The following CNKSR3 variants were observed in gnomAD, a reference collection of about 807,000 sequenced individuals.
CNKSR3 encodes connector enhancer of kinase suppressor of ras 3.
CNKSR3 carries 36 observed loss-of-function variants against 67.7 expected under a neutral mutation model. The observed-to-expected ratio is 0.53, with a 90% CI of 0.41 to 0.70. The LOEUF is 0.70. Ranked by LOEUF, CNKSR3 falls within the 30% of genes least tolerant of loss-of-function variation. The pLI, the probability that CNKSR3 is intolerant of heterozygous loss-of-function variation, is 0.00. For synonymous variants in CNKSR3, 281 were observed against 271.4 expected, an observed-to-expected ratio of 1.04 and a Z score of -0.35; for missense variants, 630 against 695.2, an observed-to-expected ratio of 0.91 and a Z score of 1.05.
At chr6:154,459,714 C>T (rs1786039060) in intron 1 of CNKSR3, among the ~76,000 whole-genome samples, 1 of 152,226 alleles carries the variant, frequency 6.6e-6, no homozygotes, top group East Asian at 1.9e-4. Context: ...AACCAACGAA[C>T]AACCACACTT....
chr6:154,506,262 A>G (rs1055809050), intron 1 of CNKSR3, among the ~76,000 whole-genome samples: 4 of 152,214 alleles, frequency 2.6e-5, no homozygotes, highest in African/African-American at 9.6e-5. Flanking sequence ...GGAAAAAGCA[A>G]AAAAGGAAGA....
chr6:154,466,794 G>T (rs56278182), intron 1 of CNKSR3, among the ~76,000 whole-genome samples: 41,364 of 144,592 alleles, frequency 0.29, 6,250 homozygotes, highest in East Asian at 0.41. Context: ...TAATTTTTTT[G>T]TTTTTTTTTT....
chr6:154,487,551 A>G (rs1185179373), intron 1 of CNKSR3, among the ~76,000 whole-genome samples: 9 of 152,158 alleles, frequency 5.9e-5, no homozygotes. Context: ...CAGCAGCCAC[A>G]ATGTTTCAGA....
intron 9 of CNKSR3, among the ~76,000 whole-genome samples, chr6:154,415,413 T>G (rs1244288533): frequency 2.0e-5 from 3 of 151,892 alleles, no homozygotes; most frequent in Non-Finnish European, 2.9e-5. Context: ...GTATGTTTAG[T>G]AGAGATGGCG....
At chr6:154,453,436 C>T (rs1785880675) in intron 1 of CNKSR3, among the ~76,000 whole-genome samples, 1 of 152,118 alleles carries the variant, frequency 6.6e-6, no homozygotes, top group African/African-American at 2.4e-5. Context: ...GAGAAACTAA[C>T]CAGAATCTCC....
At chr6:154,407,337 C>A (rs940454752) in intron 12 of CNKSR3, among the ~76,000 whole-genome samples, 5 of 152,152 alleles carry the variant, frequency 3.3e-5, no homozygotes, top group Non-Finnish European at 5.9e-5. Context: ...GCCCTAACTG[C>A]CAGCAGACCC....
intron 4 of CNKSR3, among the ~76,000 whole-genome samples, chr6:154,438,794 C>A (rs747364692): frequency 3.9e-5 from 6 of 152,146 alleles, no homozygotes; most frequent in Non-Finnish European, 7.4e-5. Context: ...GCCTATCTGT[C>A]CAAAGCATTA....
rs1039480440 is a variant in CNKSR3 at position 154,467,744 on chromosome 6, T to A, written c.53-17486A>T. 1.4e-3 allele frequency among the ~76,000 whole-genome samples: 216 copies of A among 151,792 alleles called. 2 individuals carry two copies. The highest frequency in any genetic ancestry group is 2.8e-3 in the Non-Finnish European group (192 of 67,974). ...TATGTGGTTAGACCCATTATAAATATATATATATATATCATTTTTGTTTGT... is the reference window on the plus strand; with the variant it reads ...TATGTGGTTAGACCCATTATAAATAAATATATATATATCATTTTTGTTTGT... On this transcript the variant is annotated intron_variant, in intron 1 of 12. Coordinates refer to ENST00000607772, the MANE Select transcript of CNKSR3 (RefSeq NM_173515.4).
rs868256496 is a variant in CNKSR3 at position 154,422,519 on chromosome 6, G to A, written c.932C>T (p.Pro311Leu). 6.2e-7 allele frequency: 1 copy of A among 1,614,138 alleles called. No homozygotes were observed. Reference sequence around the variant, plus strand: ...AATCCCAGATACCTGTACAAGAGGTGGCTTCCACCGTAGGTTTTTCAGGGG... The same window carrying A: ...AATCCCAGATACCTGTACAAGAGGTAGCTTCCACCGTAGGTTTTTCAGGGG... ...PAPLKNLRWK[P>L]PLVQTSPPPA... The change falls in exon 9 of 13, where the codon CCA becomes CTA. Residue 311 changes from proline to leucine, a missense_variant. Pro to Leu is a moderately conservative substitution (Grantham distance 98). Coordinates refer to ENST00000607772, the MANE Select transcript of CNKSR3 (RefSeq NM_173515.4).
At chr6:154,448,020 AC>A (rs954326605) in intron 2 of CNKSR3, among the ~76,000 whole-genome samples, 16 of 151,846 alleles carry the variant, frequency 1.1e-4, no homozygotes, top group Non-Finnish European at 2.4e-4. Context: ...CCCCTAAGTG[AC>A]CCCCCCTGTC....
At chr6:154,424,472 CA>C (rs1206087071) in intron 7 of CNKSR3, among the ~76,000 whole-genome samples, 3 of 152,152 alleles carry the variant, frequency 2.0e-5, no homozygotes, top group Non-Finnish European at 4.4e-5. Context: ...GCTAAATCTT[CA>C]AACAATTTCC....
At chr6:154,480,485 G>C (rs142084396) in intron 1 of CNKSR3, among the ~76,000 whole-genome samples, 3 of 152,168 alleles carry the variant, frequency 2.0e-5, no homozygotes, top group Admixed American at 1.3e-4. Flanking sequence ...CTTTGAGAGC[G>C]GCGGAGTCTC....
At chr6:154,456,486 TCAG>T (rs1785958158) in intron 1 of CNKSR3, among the ~76,000 whole-genome samples, 1 of 149,754 alleles carries the variant, frequency 6.7e-6, no homozygotes, top group South Asian at 2.1e-4. Context: ...TCACTTGAGG[TCAG>T]GAGTTCGAGA....
At chr6:154,411,192 T>C (rs968432349) in intron 10 of CNKSR3, 50 bp from the exon 11 acceptor site, 7 of 1,329,824 alleles carry the variant, frequency 5.3e-6, no homozygotes, top group Non-Finnish European at 5.4e-6. Context: ...GATGTTCTCA[T>C]ACTGAAGAAT....
chr6:154,488,306 T>A (rs6940296), intron 1 of CNKSR3, among the ~76,000 whole-genome samples: 1,803 of 152,314 alleles, frequency 0.012, 37 homozygotes, highest in African/African-American at 0.038. Context: ...TCTACCACAG[T>A]TTCATTTAAC....
chr6:154,505,407 A>G (rs1223822158), intron 1 of CNKSR3, among the ~76,000 whole-genome samples: 1 of 151,576 alleles, frequency 6.6e-6, no homozygotes, highest in Non-Finnish European at 1.5e-5. Context: ...TAGCAGCACC[A>G]GAAGCTGGCC....
chr6:154,448,111 T>C (rs1013607676), intron 2 of CNKSR3, among the ~76,000 whole-genome samples: 2 of 151,966 alleles, frequency 1.3e-5, no homozygotes, highest in East Asian at 1.9e-4. Flanking sequence ...TAGAAGGAAA[T>C]TGTAGGAGAT....
In CNKSR3 at chr6:154,389,012, C is replaced by T. The variant is rs1390777830; in HGVS notation, c.*17342G>A. ...AGATGTCAACCCTTATCACATACAT[C>T]GCTTGCAAATACTTTCTCCCATTTC... On this transcript the variant is annotated 3_prime_UTR_variant, in exon 13 of 13. Coordinates refer to ENST00000607772, the MANE Select transcript of CNKSR3 (RefSeq NM_173515.4). 5 of 151,222 alleles carry T rather than the reference C, an allele frequency of 3.3e-5. No homozygotes were observed. Among genetic ancestry groups the T allele is most frequent in the African/African-American group, 1.2e-4 (5 of 41,102 alleles). 9.4% of individuals were successfully genotyped at this position (151,222 alleles called of 1,614,324 possible).
chr6:154,507,544 T>G (rs553169666), intron 1 of CNKSR3, among the ~76,000 whole-genome samples: 1 of 152,310 alleles, frequency 6.6e-6, no homozygotes, highest in East Asian at 1.9e-4. Flanking sequence ...AAGTCAATAC[T>G]TGAGCATCAT....
Sources: allele counts gnomAD v4.1 joint callset (sites outside exome capture counted in the v4.1 genomes callset), GRCh38; gene constraint gnomAD v4.1.1; transcripts MANE v1.5; gene names NCBI Gene and HGNC (gene_info 2026-07-23, HGNC 2026-07-21).